The following SLC2A12 variants were observed in gnomAD, a reference collection of about 807,000 sequenced individuals.
The protein encoded by SLC2A12 is solute carrier family 2, facilitated glucose transporter member 12.
SLC2A12 carries 23 observed loss-of-function variants against 41.8 expected under a neutral mutation model. The ratio of observed to expected loss-of-function variants is 0.55; its 90% CI spans 0.40 to 0.78. SLC2A12 has a LOEUF of 0.78. SLC2A12 is among the 30% of genes least tolerant of loss of function. The pLI is 0.00. For missense variants in SLC2A12, 654 were observed against 745.6 expected (o/e 0.88, Z 1.43); for synonymous variants, 295 against 285.9 (o/e 1.03, Z -0.32).
rs966531132 is a variant in SLC2A12, at chr6:133,999,801, G to A, written c.1700+2196C>T. 3.7e-4 allele frequency among the ~76,000 whole-genome samples: 56 copies of A among 152,188 alleles called. 1 individual carries two copies. The highest frequency in any genetic ancestry group is 1.9e-4 in the Non-Finnish European group (13 of 68,030). On this transcript the variant is annotated intron_variant, in intron 4 of 4. Coordinates refer to ENST00000275230, the MANE Select transcript of SLC2A12 (RefSeq NM_145176.3). ...ATAGTTGTTTTCAGCTGCAACATTT[G>A]GGATGCCTTGTTATGCAGCAATGGA...
Position 134,029,616 on chromosome 6 carries a change from G to A in SLC2A12, c.209C>T (p.Thr70Ile), listed in dbSNP as rs746320069. Reference protein sequence around the residue: ...IISGALLQIKTLLALSCHEQE... With the variant: ...IISGALLQIKILLALSCHEQE... ...CTCATGGCAGCTCAGGGCTAATAAG[G>A]TTTTGATCTGAAGAAGAGCCCCAGA... The change falls in exon 2 of 5, where the codon ACC becomes ATC. Residue 70 changes from threonine (T) to isoleucine (I), a missense_variant. Physicochemically the swap from Thr to Ile is moderately conservative, Grantham distance 89. This residue lies in a region of SLC2A12 where 109 missense variants were observed against 153.0 expected (regional missense o/e 0.71). Transcript: ENST00000275230. 5.6e-6 allele frequency: 9 copies of A among 1,613,844 alleles called. No homozygotes were observed. The highest frequency in any genetic ancestry group is 7.6e-6 in the Non-Finnish European group (9 of 1,180,016).
chr6:134,007,346 T>C (rs1462114357), intron 2 of SLC2A12, among the ~76,000 whole-genome samples: 1 of 152,208 alleles, frequency 6.6e-6, no homozygotes, highest in African/African-American at 2.4e-5. Flanking sequence ...CTGGGCTGTT[T>C]CCTCAGCTCT....
chr6:134,006,182 AAAAAAAAAAAC>A (rs1345590496), intron 3 of SLC2A12, among the ~76,000 whole-genome samples: 12 of 142,958 alleles, frequency 8.4e-5, no homozygotes, highest in African/African-American at 1.8e-4. Flanking sequence ...ATCGGAAAAA[AAAAAAAAAAAC>A]AAAAAAAAAA....
intron 2 of SLC2A12, among the ~76,000 whole-genome samples, chr6:134,013,437 T>A (rs1250800973): frequency 6.6e-6 from 1 of 152,166 alleles, no homozygotes; most frequent in Non-Finnish European, 1.5e-5. Context: ...TAGAAATATC[T>A]TACATATTTT....
At chr6:134,028,360 A>C in intron 2 of SLC2A12, 21 bp downstream of exon 2, 1 of 1,577,688 alleles carries the variant, frequency 6.3e-7, no homozygotes. Flanking sequence ...AAAGCAATAC[A>C]TTAAAGAATA....
intron 1 of SLC2A12, among the ~76,000 whole-genome samples, chr6:134,035,291 G>A (rs1177520500): frequency 6.6e-6 from 1 of 151,924 alleles, no homozygotes; most frequent in Non-Finnish European, 1.5e-5. Flanking sequence ...TTTCCCCAAG[G>A]TGGGTCTCAG....
intron 4 of SLC2A12, among the ~76,000 whole-genome samples, chr6:133,997,602 GT>G (rs1562190071): frequency 6.6e-6 from 1 of 152,140 alleles, no homozygotes; most frequent in Non-Finnish European, 1.5e-5. Context: ...TAAACATTGG[GT>G]ACTCATGGAC....
rs59102121 is a variant in SLC2A12, at chr6:133,987,648, G to GTATATATATATATATATATA, written c.*3506_*3507insTATATATATATATATATATA. On this transcript the variant is annotated 3_prime_UTR_variant, in exon 5 of 5. Coordinates refer to ENST00000275230, the MANE Select transcript of SLC2A12 (RefSeq NM_145176.3). ...TTTGTGTGTGTGTGTGTGTGTGTGT[G>GTATATATATATATATATATA]TATATATATATATATATATGCACCA... 48 of 88,380 alleles carry GTATATATATATATATATATA rather than the reference G, an allele frequency of 5.4e-4. No individual in the cohort carries two copies. The highest frequency in any genetic ancestry group is 1.7e-3 in the African/African-American group (46 of 27,568). The allele number at this position is 88,380 out of a possible 1,614,324, so 5.5% of individuals were successfully genotyped here. A position where few individuals can be genotyped will look rare whatever the true frequency, so the allele number is the denominator to read the frequency against.
chr6:133,999,960 G>A (rs954941034), intron 4 of SLC2A12, among the ~76,000 whole-genome samples: 2 of 152,236 alleles, frequency 1.3e-5, no homozygotes, highest in African/African-American at 2.4e-5. Flanking sequence ...TTTACAGGTG[G>A]ATACATTGGC....
intron 3 of SLC2A12, among the ~76,000 whole-genome samples, chr6:134,004,448 T>C (rs1400963522): frequency 6.6e-6 from 1 of 152,244 alleles, no homozygotes; most frequent in Admixed American, 6.5e-5. Flanking sequence ...TATATGTATG[T>C]ATGTGTGTGT....
intron 1 of SLC2A12, among the ~76,000 whole-genome samples, chr6:134,032,475 T>A (rs1304710744): frequency 5.0e-5 from 3 of 59,698 alleles, no homozygotes; most frequent in Non-Finnish European, 7.8e-5. Flanking sequence ...TTTTTATATA[T>A]ATATATATAT....
intron 2 of SLC2A12, among the ~76,000 whole-genome samples, chr6:134,024,831 C>T (rs1283235879): frequency 1.3e-5 from 2 of 152,250 alleles, no homozygotes; most frequent in Non-Finnish European, 2.9e-5. Flanking sequence ...CCCAGAACTA[C>T]CCAACTCCAG....
chr6:134,016,071 C>T (rs529677558), intron 2 of SLC2A12, among the ~76,000 whole-genome samples: 2 of 152,168 alleles, frequency 1.3e-5, no homozygotes, highest in Admixed American at 6.5e-5. Flanking sequence ...GCCAGTTCTC[C>T]GTAGGTCTCT....
chr6:134,001,320 T>C (rs921568100), intron 4 of SLC2A12, among the ~76,000 whole-genome samples: 1 of 152,160 alleles, frequency 6.6e-6, no homozygotes, highest in Non-Finnish European at 1.5e-5. Context: ...AACTGTTTTT[T>C]AAATGAGATA....
chr6:134,031,368 G>A (rs574384040), intron 1 of SLC2A12, among the ~76,000 whole-genome samples: 2 of 151,944 alleles, frequency 1.3e-5, no homozygotes, highest in East Asian at 1.9e-4. Flanking sequence ...CTCCACCCCG[G>A]GCAACAGAGC....
chr6:134,024,783 T>C (rs1168623697), intron 2 of SLC2A12, among the ~76,000 whole-genome samples: 1 of 152,238 alleles, frequency 6.6e-6, no homozygotes, highest in Non-Finnish European at 1.5e-5. Flanking sequence ...AGAAAAACTA[T>C]AGACTTCAGG....
chr6:134,048,168 T>G (rs1270423729), intron 1 of SLC2A12, among the ~76,000 whole-genome samples: 1 of 152,224 alleles, frequency 6.6e-6, no homozygotes, highest in Non-Finnish European at 1.5e-5. Flanking sequence ...TTTGATGTGA[T>G]TTCCAAGTGA....
At chr6:134,004,736 C>T (rs934162137) in intron 3 of SLC2A12, among the ~76,000 whole-genome samples, 2 of 152,104 alleles carry the variant, frequency 1.3e-5, no homozygotes, top group African/African-American at 2.4e-5. Flanking sequence ...GTTTCAAGCA[C>T]GTATTTTACC....
chr6:134,034,583 G>C (rs1777266692), intron 1 of SLC2A12, among the ~76,000 whole-genome samples: 1 of 152,196 alleles, frequency 6.6e-6, no homozygotes, highest in Non-Finnish European at 1.5e-5. Flanking sequence ...GCCATGACAA[G>C]AGCAAGATGC....
Sources: allele counts gnomAD v4.1 joint callset (sites outside exome capture counted in the v4.1 genomes callset), GRCh38; gene constraint gnomAD v4.1.1; regional missense constraint gnomAD v4.1.1; transcripts MANE v1.5; gene names NCBI Gene and HGNC (gene_info 2026-07-23, HGNC 2026-07-21).